Variants in SIGLECL1 observed in about 807,000 individuals in gnomAD.
SIGLECL1 encodes the protein SIGLEC family like 1.
SIGLECL1 carries 16 observed loss-of-function variants against 19.1 expected under a neutral mutation model. The observed-to-expected ratio is 0.84, with a 90% CI of 0.57 to 1.27. The LOEUF is 1.27. Ranked by LOEUF, SIGLECL1 falls within the 50% of genes most tolerant of loss-of-function variation. The pLI, the probability that SIGLECL1 is intolerant of heterozygous loss-of-function variation, is 0.00. For missense variants in SIGLECL1, 210 were observed against 239.4 expected (o/e 0.88, Z 0.81); for synonymous variants, 89 against 90.4 (o/e 0.98, Z 0.09).
chr19:51,264,597 G>C (rs529574924), intron 2 of SIGLECL1, among the ~76,000 whole-genome samples: 1 of 152,302 alleles, frequency 6.6e-6, no homozygotes, highest in East Asian at 1.9e-4. Flanking sequence ...CAACGAAAAA[G>C]TGTGTGTCAA....
At chr19:51,260,422 T>C (rs142653154) in intron 1 of SIGLECL1, among the ~76,000 whole-genome samples, 3 of 152,256 alleles carry the variant, frequency 2.0e-5, no homozygotes, top group African/African-American at 7.2e-5. Context: ...TTGTTGCATC[T>C]AGCATTAGCT....
Position 51,261,077 on chromosome 19 carries a change from A to G in SIGLECL1, c.-190-2806A>G, listed in dbSNP as rs934677888. Among the ~76,000 whole-genome samples, 5 of 152,044 alleles carry G rather than the reference A, an allele frequency of 3.3e-5. No individual in the cohort carries two copies. The East Asian group carries it at 9.6e-4, about 29-fold the overall frequency. ...TATTTTTGTAGATTTTTTGCTTTAT[A>G]TATTTTTGGACTATGTTAGTAGGCA... On this transcript the variant is annotated intron_variant, in intron 1 of 5. Coordinates refer to ENST00000601727, the MANE Select transcript of SIGLECL1 (RefSeq NM_001385465.1).
intron 3 of SIGLECL1, 43 bp downstream of exon 3, chr19:51,265,692 C>A: frequency 6.2e-7 from 1 of 1,611,136 alleles, no homozygotes; most frequent in Non-Finnish European, 8.5e-7. Context: ...GGACAATAAG[C>A]GGGATGGGGA....
chr19:51,247,884 T>G (rs1196443124), upstream of SIGLECL1, among the ~76,000 whole-genome samples: 1 of 152,224 alleles, frequency 6.6e-6, no homozygotes, highest in Non-Finnish European at 1.5e-5. Context: ...AGAATTCCTT[T>G]GTTATCACAT....
At chr19:51,263,615 G>A (rs1983396721) in intron 1 of SIGLECL1, among the ~76,000 whole-genome samples, 1 of 152,068 alleles carries the variant, frequency 6.6e-6, no homozygotes, top group Admixed American at 6.6e-5. Context: ...AAAATTATTT[G>A]GCCATGGTGG....
At chr19:51,251,040 A>C (rs1982448595), upstream of SIGLECL1, 2 of 152,250 alleles carry the variant, frequency 1.3e-5, no homozygotes, top group Non-Finnish European at 1.5e-5. Context: ...TTGGCTGTGT[A>C]AAGTAAGCCC....
chr19:51,247,238 A>G (rs1568440062), upstream of SIGLECL1, among the ~76,000 whole-genome samples: 3 of 152,140 alleles, frequency 2.0e-5, no homozygotes. Context: ...TAGCTCCCCT[A>G]GTCCAGTTTT....
At chr19:51,260,057 A>G (rs1983100640) in intron 1 of SIGLECL1, among the ~76,000 whole-genome samples, 1 of 152,232 alleles carries the variant, frequency 6.6e-6, no homozygotes, top group Non-Finnish European at 1.5e-5. Flanking sequence ...TGGCCTGGCC[A>G]TATGGTCAGG....
Position 51,265,762 on chromosome 19 carries a change from G to T in SIGLECL1, c.305-15G>T, listed in dbSNP as rs370823100. ...GGCTCCGATGCCAAACTTCTCACAT[G>T]CTCTCTGCTTCCAGGAAAGAGTTCT... On this transcript the variant is annotated splice_polypyrimidine_tract_variant and intron_variant, in intron 3 of 5. Transcript: ENST00000601727. The T allele has an allele frequency of 6.2e-7, 1 of 1,614,086 alleles. No homozygotes were observed. Among genetic ancestry groups the T allele is most frequent in the South Asian group, 1.1e-5 (1 of 91,074 alleles).
chr19:51,249,951 G>A (rs1309972771), upstream of SIGLECL1, among the ~76,000 whole-genome samples: 2 of 152,102 alleles, frequency 1.3e-5, no homozygotes, highest in African/African-American at 4.8e-5. Context: ...CCCCTTTTTA[G>A]ACCATATAGT....
Position 51,267,448 on chromosome 19 carries a change from A to C in SIGLECL1, c.486A>C (p.Ala162=), listed in dbSNP as rs1317931456. 6.2e-7 allele frequency: 1 copy of C among 1,614,242 alleles called. No individual in the cohort carries two copies. The highest frequency in any genetic ancestry group is 1.3e-5 in the African/African-American group (1 of 75,074). ...CAAAAAAGAGCTCTAAAGTCAGAGC[A>C]AGCCAAGAACTTGAGATGTCTCTGA... ...IRAKKSSKVR[A]SQELEMSLKP... The change falls in exon 5 of 6, where the codon GCA becomes GCC. Residue 162 remains alanine, a synonymous_variant. Transcript: ENST00000601727.
chr19:51,267,326 T>A, intron 4 of SIGLECL1, 47 bp from the exon 5 acceptor site: 4 of 1,592,318 alleles, frequency 2.5e-6, no homozygotes, highest in Non-Finnish European at 3.4e-6. Flanking sequence ...CATTTGGGGA[T>A]TCAGGGAGAT....
Position 51,269,003 on chromosome 19 carries a change from C to T in SIGLECL1, c.*406C>T, listed in dbSNP as rs1325176380. 5.6e-6 allele frequency: 1 copy of T among 178,964 alleles called. No individual in the cohort carries two copies. Among genetic ancestry groups the T allele is most frequent in the African/African-American group, 2.4e-5 (1 of 41,764 alleles). 11.1% of individuals were successfully genotyped at this position (178,964 alleles called of 1,614,324 possible). On this transcript the variant is annotated 3_prime_UTR_variant, in exon 6 of 6. Coordinates refer to ENST00000601727, the MANE Select transcript of SIGLECL1 (RefSeq NM_001385465.1). ...CAAGAGCGCCAGGCTTTCAAGCCTT[C>T]ATATCTGGATAGAATCCCAACTTCA...
chr19:51,251,978 T>C (rs1982515674), intron 1 of SIGLECL1, among the ~76,000 whole-genome samples: 1 of 151,640 alleles, frequency 6.6e-6, no homozygotes, highest in Non-Finnish European at 1.5e-5. Flanking sequence ...GACATGATGG[T>C]GAAGGAAAAT....
chr19:51,258,542 T>C (rs1033204663), intron 1 of SIGLECL1, among the ~76,000 whole-genome samples: 1 of 152,238 alleles, frequency 6.6e-6, no homozygotes, highest in African/African-American at 2.4e-5. Context: ...CCCTTGGCTA[T>C]TTTTATCTGT....
In SIGLECL1 at chr19:51,269,302, A is replaced by G. The variant is rs1301050258; in HGVS notation, c.*705A>G. On this transcript the variant is annotated 3_prime_UTR_variant, in exon 6 of 6. Transcript: ENST00000601727. ...ACTTTTATCACCAGCACCCAGAATGATGCCTAAAATACAATAAGATCTCAA... is the reference window on the plus strand; with the variant it reads ...ACTTTTATCACCAGCACCCAGAATGGTGCCTAAAATACAATAAGATCTCAA... 1 of 152,276 alleles carries G rather than the reference A, an allele frequency of 6.6e-6. No individual in the cohort carries two copies. The highest frequency in any genetic ancestry group is 1.5e-5 in the Non-Finnish European group (1 of 68,068). 9.4% of individuals were successfully genotyped at this position (152,276 alleles called of 1,614,324 possible). A position where few individuals can be genotyped will look rare whatever the true frequency, so the allele number is the denominator to read the frequency against.
In SIGLECL1 at chr19:51,268,581, A is replaced by G; in HGVS notation, c.578A>G (p.Asp193Gly). ...FSESRILEKQDKRAS is the reference protein window; with the variant it reads ...FSESRILEKQGKRAS ...GCACCTCGCTTTCAGGAAAAGCAAG[A>G]TAAACGAGCCAGCTAAGCCTGTGGA... The change falls in exon 6 of 6, where the codon GAT (aspartate) becomes GGT (glycine). Residue 193 changes from aspartate to glycine, a missense_variant. Physicochemically the swap from Asp to Gly is moderately conservative, Grantham distance 94 (BLOSUM62 -1). Coordinates refer to ENST00000601727, the MANE Select transcript of SIGLECL1 (RefSeq NM_001385465.1). 1.2e-6 allele frequency: 2 copies of G among 1,614,112 alleles called. No homozygotes were observed. Among genetic ancestry groups the G allele is most frequent in the Non-Finnish European group, 1.7e-6 (2 of 1,180,024 alleles).
In SIGLECL1 at chr19:51,266,895, C is replaced by T. The variant is rs540892593; in HGVS notation, c.411-478C>T. 3.9e-5 allele frequency among the ~76,000 whole-genome samples: 6 copies of T among 152,126 alleles called. No individual in the cohort carries two copies. The South Asian group carries it at 1.2e-3, about 32-fold the overall frequency. On this transcript the variant is annotated intron_variant, in intron 4 of 5. Coordinates refer to ENST00000601727, the MANE Select transcript of SIGLECL1 (RefSeq NM_001385465.1). ...GAAAGCTTGAGCTTGGGGTGGGACA[C>T]AGATTAGAGAGAGTGAGAGCCAGAA...
At chr19:51,267,226 C>A in intron 4 of SIGLECL1, 147 bp from the exon 5 acceptor site, 2 of 937,936 alleles carry the variant, frequency 2.1e-6, no homozygotes, top group South Asian at 1.7e-5. Flanking sequence ...AACTAATTCC[C>A]AGAGAGGATG....
Sources: gnomAD v4.1 joint callset for allele counts (sites outside exome capture counted in the v4.1 genomes callset) on GRCh38, gnomAD v4.1.1 for gene constraint, MANE v1.5 for transcripts, NCBI Gene and HGNC (gene_info 2026-07-23, HGNC 2026-07-21) for gene names.